The following NLRP4 variants were observed in gnomAD, a reference collection of about 807,000 sequenced individuals.
NLRP4 encodes the protein NLR family pyrin domain containing 4, also known as NACHT, LRR and PYD domains-containing protein 4.
In NLRP4, 44 loss-of-function variants were observed where a neutral mutation model predicts 84.7. The observed-to-expected ratio is 0.52, with a 90% CI of 0.41 to 0.67. NLRP4 has a LOEUF of 0.67. Ranked by LOEUF, NLRP4 falls within the 30% of genes least tolerant of loss-of-function variation. The pLI is 0.00. For synonymous variants in NLRP4, 544 were observed against 476.4 expected, an observed-to-expected ratio of 1.14 and a Z score of -1.85; for missense variants, 1,260 against 1,219.4, an observed-to-expected ratio of 1.03 and a Z score of -0.50.
Position 55,860,483 on chromosome 19 carries a change from C to T in NLRP4, c.1857-903C>T, listed in dbSNP as rs114540929. On this transcript the variant is annotated intron_variant, in intron 3 of 9. Transcript: ENST00000301295. ...CACAGCTACTTGAGGGAGGCTGAAG[C>T]AGGAGGATTGCTTGCTTGAGCCCAG... is the stretch of plus-strand genomic sequence containing the variant. Among the ~76,000 whole-genome samples the T allele has an allele frequency of 4.8e-3, 731 of 152,158 alleles. 5 individuals carry two copies. Among genetic ancestry groups the T allele is most frequent in the African/African-American group, 0.017 (699 of 41,504 alleles).
Position 55,876,032 on chromosome 19 carries a change from C to T in NLRP4, c.2526-964C>T, listed in dbSNP as rs375849618. ...AGCCTGGACAACAGGAGTGAAACTC[C>T]GTCTCAAATAAAAATAATGTAGGAA... On this transcript the variant is annotated intron_variant, in intron 7 of 9. Transcript: ENST00000301295. 2.6e-5 allele frequency among the ~76,000 whole-genome samples: 4 copies of T among 152,110 alleles called. No individual in the cohort carries two copies. The East Asian group carries it at 5.8e-4, about 22-fold the overall frequency.
In NLRP4 at chr19:55,867,914, T is replaced by C. The variant is rs1392439077; in HGVS notation, c.2354+38T>C. ...TGGGGGTGCCTACTGTGGAGGGCCA[T>C]GGCGGCAGTTCAAACCTGGGCCTAT... On this transcript the variant is annotated intron_variant, in intron 6 of 9. Transcript: ENST00000301295. 3 of 1,593,742 alleles carry C rather than the reference T, an allele frequency of 1.9e-6. No homozygotes were observed. In the East Asian group the frequency reaches 6.7e-5, roughly 36 times the overall value.
At position 55,861,408 on chromosome 19, in the gene NLRP4, T is replaced by G; in HGVS notation, c.1879T>G (p.Trp627Gly). 1 of 1,614,078 alleles carries G rather than the reference T, an allele frequency of 6.2e-7. No individual in the cohort carries two copies. Among genetic ancestry groups the G allele is most frequent in the Non-Finnish European group, 8.5e-7 (1 of 1,179,930 alleles). The change falls in exon 4 of 10, where the codon TGG becomes GGG. Residue 627 changes from tryptophan (W) to glycine (G), a missense_variant. Trp to Gly is a radical substitution (Grantham distance 184). This residue lies in a region of NLRP4 where 544 missense variants were observed against 531.7 expected (regional missense o/e 1.02). Transcript: ENST00000301295. ...SSTSDYSLIC[W>G]HHICSVLTTS... The stretch of plus-strand genomic sequence containing the variant: ...CAGGTCGGATTACAGCCTCATCTGT[T>G]GGCATCACATCTGCTCTGTGCTCAC...
chr19:55,871,391 A>G (rs1875922034), intron 7 of NLRP4, among the ~76,000 whole-genome samples: 1 of 152,188 alleles, frequency 6.6e-6, no homozygotes, highest in African/African-American at 2.4e-5. Context: ...GGGAGATCCA[A>G]AAATACACGT....
chr19:55,855,585 A>G (rs2123026837), intron 2 of NLRP4, among the ~76,000 whole-genome samples: 2 of 152,370 alleles, frequency 1.3e-5, no homozygotes, highest in East Asian at 3.9e-4. Context: ...AGCATTACCT[A>G]CTGTCAGCAG....
chr19:55,840,561 T>A lies in NLRP4; in HGVS notation c.-66+3627T>A, dbSNP rs946487278. 5.3e-5 allele frequency among the ~76,000 whole-genome samples: 8 copies of A among 152,004 alleles called. No homozygotes were observed. The East Asian group carries it at 1.2e-3, about 22-fold the overall frequency. On this transcript the variant is annotated intron_variant, in intron 1 of 9. Transcript: ENST00000301295. ...ACCACGCCCAGCTAATTTATTATTT[T>A]TTATTTTTTGGTATTTTTAGTAGAG...
chr19:55,858,302 C>G lies in NLRP4; in HGVS notation c.909C>G (p.Asn303Lys), dbSNP rs112565033. ...ISEIYQPRGFNESDRLVYFCC... is the reference protein window; with the variant it reads ...ISEIYQPRGFKESDRLVYFCC... ...AAATCTACCAGCCCCGGGGATTCAA[C>G]GAGAGTGATAGGTTAGTGTATTTCT... The change falls in exon 3 of 10, where the codon AAC (asparagine) becomes AAG (lysine). Residue 303 changes from asparagine (N) to lysine (K), a missense_variant. By Grantham distance (94) the Asn-to-Lys change is moderately conservative. This residue lies in a region of NLRP4 where 712 missense variants were observed against 669.2 expected (regional missense o/e 1.06). Coordinates refer to ENST00000301295, the MANE Select transcript of NLRP4 (RefSeq NM_134444.5). The surrounding 1 kb of genome is among the most constrained non-coding windows in gnomAD (Gnocchi z 4.2). 6.2e-7 allele frequency: 1 copy of G among 1,614,128 alleles called. No homozygotes were observed. Among genetic ancestry groups the G allele is most frequent in the Admixed American group, 1.7e-5 (1 of 60,018 alleles).
At chr19:55,850,141 T>G (rs556335207) in intron 1 of NLRP4, among the ~76,000 whole-genome samples, 2 of 144,498 alleles carry the variant, frequency 1.4e-5, no homozygotes, top group South Asian at 4.5e-4. Context: ...GTGGCTGCGG[T>G]GTAATTTCCG....
At chr19:55,848,768 C>T (rs1983901775) in intron 1 of NLRP4, among the ~76,000 whole-genome samples, 1 of 152,164 alleles carries the variant, frequency 6.6e-6, no homozygotes. Context: ...TGTGTCCCCA[C>T]CCAAATCTCA....
intron 8 of NLRP4, 96 bp downstream of exon 8, chr19:55,877,262 C>T: frequency 1.8e-6 from 2 of 1,121,374 alleles, no homozygotes; most frequent in Non-Finnish European, 2.6e-6. Context: ...AACAGGACCA[C>T]ATAGCAGCTA....
At chr19:55,840,698 G>A (rs1253323208) in intron 1 of NLRP4, among the ~76,000 whole-genome samples, 1 of 152,044 alleles carries the variant, frequency 6.6e-6, no homozygotes, top group Admixed American at 6.6e-5. Context: ...GCACCCGGCT[G>A]ATCATTCGTA....
chr19:55,871,036 T>C (rs1238082769), intron 7 of NLRP4, 39 bp downstream of exon 7: 2 of 1,591,732 alleles, frequency 1.3e-6, no homozygotes, highest in African/African-American at 1.3e-5. Context: ...CAAGCCGTCT[T>C]TTCAAGGGCA....
chr19:55,872,038 C>T (rs568335540), intron 7 of NLRP4, among the ~76,000 whole-genome samples: 5 of 151,946 alleles, frequency 3.3e-5, no homozygotes, highest in South Asian at 2.1e-4. Context: ...TTAGTAGAGA[C>T]GGGGTTTCAC....
chr19:55,881,414 A>G (rs373715999), intron 9 of NLRP4, 56 bp from the exon 10 acceptor site: 1 of 924,938 alleles, frequency 1.1e-6, no homozygotes. Flanking sequence ...GATGAGCTGC[A>G]GAAAAGGGAA....
rs372154703 is a variant in NLRP4, at chr19:55,856,974, G to A, written c.281-700G>A. On this transcript the variant is annotated intron_variant, in intron 2 of 9. Coordinates refer to ENST00000301295, the MANE Select transcript of NLRP4 (RefSeq NM_134444.5). ...TGCCTAGGTCAGGTCCTTTTTAGGT[G>A]GACTTTCAGATCTAGTCCCTATATG... Among the ~76,000 whole-genome samples the A allele has an allele frequency of 2.4e-4, 36 of 152,214 alleles. No individual in the cohort carries two copies. In the South Asian group the frequency reaches 5.6e-3, roughly 24 times the overall value.
At chr19:55,881,131 A>G (rs1985567736) in intron 9 of NLRP4, among the ~76,000 whole-genome samples, 1 of 44,770 alleles carries the variant, frequency 2.2e-5, no homozygotes, top group African/African-American at 7.0e-5. Context: ...AGCTGGTGAG[A>G]GCCACGTGTG....
At chr19:55,877,574 A>G (rs1317368086) in intron 8 of NLRP4, among the ~76,000 whole-genome samples, 1 of 152,150 alleles carries the variant, frequency 6.6e-6, no homozygotes, top group Non-Finnish European at 1.5e-5. Context: ...AGGGTTTAAA[A>G]AGTAGCATGG....
At chr19:55,864,751 T>C (rs553627188) in intron 5 of NLRP4, among the ~76,000 whole-genome samples, 1 of 152,188 alleles carries the variant, frequency 6.6e-6, no homozygotes, top group Admixed American at 6.5e-5. Flanking sequence ...TTATTACTTA[T>C]ATTTACTTAT....
At chr19:55,865,049 C>A (rs538583956) in intron 5 of NLRP4, among the ~76,000 whole-genome samples, 1 of 152,090 alleles carries the variant, frequency 6.6e-6, no homozygotes, top group African/African-American at 2.4e-5. Context: ...GTAAATGGCA[C>A]GTCATGGAAG....
Sources: gnomAD v4.1 joint callset for allele counts (sites outside exome capture counted in the v4.1 genomes callset) on GRCh38, gnomAD v4.1.1 for gene constraint, gnomAD v4.1.1 regional missense constraint, Gnocchi (gnomAD v3.1) non-coding constraint, MANE v1.5 for transcripts, NCBI Gene and HGNC (gene_info 2026-07-23, HGNC 2026-07-21) for gene names.